The following SAMD5 variants were observed in gnomAD, a reference collection of about 807,000 sequenced individuals.
The protein encoded by SAMD5 is sterile alpha motif domain-containing protein 5.
Under a neutral mutation model 11.3 loss-of-function variants are expected in SAMD5, and 13 were observed. The ratio of observed to expected loss-of-function variants is 1.15; its 90% confidence interval spans 0.75 to 1.83. SAMD5 has a LOEUF of 1.83. Among genes scored for constraint, SAMD5 ranks in the 40% most tolerant of loss-of-function variants. The pLI, the probability that SAMD5 is intolerant of heterozygous loss-of-function variation, is 0.00. For missense variants in SAMD5, 255 were observed against 239.1 expected (o/e 1.07, Z -0.44); for synonymous variants, 129 against 111.3 (o/e 1.16, Z -1.00).
chr6:147,776,180 A>G, the SAMD5 span, among the ~76,000 whole-genome samples: 9 of 152,190 alleles, frequency 5.9e-5, no homozygotes, highest in Non-Finnish European at 1.3e-4. Flanking sequence ...TGTCTTGGTA[A>G]TGATCAGGAT....
At chr6:147,783,422 C>T in the SAMD5 span, among the ~76,000 whole-genome samples, 34 of 151,154 alleles carry the variant, frequency 2.2e-4, no homozygotes, top group Non-Finnish European at 4.4e-4. Context: ...GACATGAAGT[C>T]TCACTCTGTG....
intron 1 of SAMD5, among the ~76,000 whole-genome samples, chr6:147,647,133 C>A (rs1455739855): frequency 6.6e-6 from 1 of 151,824 alleles, no homozygotes; most frequent in Non-Finnish European, 1.5e-5. Flanking sequence ...TGCCATTGCA[C>A]CCCAGCCTGA....
the SAMD5 span, among the ~76,000 whole-genome samples, chr6:147,830,552 G>A: frequency 4.6e-5 from 7 of 152,026 alleles, no homozygotes; most frequent in East Asian, 7.7e-4. Flanking sequence ...CACCGCGCCC[G>A]GCCCCAGTAA....
intron 1 of SAMD5, among the ~76,000 whole-genome samples, chr6:147,514,590 G>A (rs1031389341): frequency 1.3e-5 from 2 of 152,000 alleles, no homozygotes; most frequent in Non-Finnish European, 2.9e-5. Context: ...GTCTAGCAGT[G>A]CTTATAGGGT....
At chr6:147,905,588 C>T in the SAMD5 span, among the ~76,000 whole-genome samples, 1 of 152,094 alleles carries the variant, frequency 6.6e-6, no homozygotes, top group South Asian at 2.1e-4. Flanking sequence ...TAATCACTGT[C>T]AATGTGTTGG....
intron 1 of SAMD5, among the ~76,000 whole-genome samples, chr6:147,607,536 G>A (rs567089565): frequency 1.3e-5 from 2 of 152,164 alleles, no homozygotes; most frequent in South Asian, 4.1e-4. Flanking sequence ...CACACCTACA[G>A]TGAACCCATT....
the SAMD5 span, among the ~76,000 whole-genome samples, chr6:147,934,481 C>T: frequency 6.6e-6 from 1 of 151,966 alleles, no homozygotes; most frequent in African/African-American, 2.4e-5. Flanking sequence ...TCAGGTGAGA[C>T]ACAATGAGAA....
chr6:147,757,884 T>G, the SAMD5 span, among the ~76,000 whole-genome samples: 4 of 152,204 alleles, frequency 2.6e-5, no homozygotes, highest in African/African-American at 9.6e-5. Flanking sequence ...TTTAACTTGT[T>G]TAACACTAAC....
At chr6:147,890,634 C>T in the SAMD5 span, among the ~76,000 whole-genome samples, 1 of 152,112 alleles carries the variant, frequency 6.6e-6, no homozygotes, top group Admixed American at 6.6e-5. Flanking sequence ...GCTGGGATTA[C>T]AGGCTTGAGC....
chr6:147,718,678 T>C (rs1434181462), intron 1 of SAMD5, among the ~76,000 whole-genome samples: 2 of 140,630 alleles, frequency 1.4e-5, no homozygotes, highest in African/African-American at 5.4e-5. Flanking sequence ...TTGTTGGAAG[T>C]GGCTCTTTCT....
chr6:147,611,230 C>G (rs1000566905), intron 1 of SAMD5, among the ~76,000 whole-genome samples: 4 of 152,042 alleles, frequency 2.6e-5, no homozygotes, highest in Non-Finnish European at 4.4e-5. Context: ...CATACAAACC[C>G]TTAGATGGAA....
chr6:147,880,293 T>G, the SAMD5 span, among the ~76,000 whole-genome samples: 1,006 of 152,256 alleles, frequency 6.6e-3, 6 homozygotes, highest in African/African-American at 0.023. Flanking sequence ...TCTGTCTCTC[T>G]GTCTCATTGT....
chr6:147,922,725 AG>A, the SAMD5 span, among the ~76,000 whole-genome samples: 19 of 152,186 alleles, frequency 1.2e-4, no homozygotes, highest in Non-Finnish European at 2.6e-4. Flanking sequence ...TATCTTTCCA[AG>A]GGGTGTAGTT....
chr6:147,587,067 T>G (rs1264588799), intron 1 of SAMD5, among the ~76,000 whole-genome samples: 4 of 152,058 alleles, frequency 2.6e-5, no homozygotes, highest in African/African-American at 9.7e-5. Flanking sequence ...AGTTTTGGGG[T>G]TTGAGTATTT....
chr6:147,695,174 A>G (rs1373522028), intron 1 of SAMD5, among the ~76,000 whole-genome samples: 2 of 152,240 alleles, frequency 1.3e-5, no homozygotes, highest in Non-Finnish European at 2.9e-5. Flanking sequence ...TAAAGATGTT[A>G]CATTTCTCTT....
chr6:147,737,291 C>A lies in SAMD5; in HGVS notation c.163-26C>A, dbSNP rs1186421200. The A allele has an allele frequency of 4.2e-6, 5 of 1,190,860 alleles. No individual in the cohort carries two copies. The Admixed American group carries it at 1.1e-4, about 26-fold the overall frequency. The allele number at this position is 1,190,860 out of a possible 1,614,324, so 73.8% of individuals were successfully genotyped here. ...TTTCACTGGGCAACACTTAATTAAA[C>A]TTCATTTCCTCTTTTTATGCTCCAG... On this transcript the variant is annotated intron_variant, in intron 1 of 1. Transcript: ENST00000566741.
At chr6:147,771,453 C>A in the SAMD5 span, among the ~76,000 whole-genome samples, 1 of 152,174 alleles carries the variant, frequency 6.6e-6, no homozygotes. Context: ...CCCTGGTAAT[C>A]ATAACTCATA....
chr6:147,660,299 T>C (rs1352949957), intron 1 of SAMD5, among the ~76,000 whole-genome samples: 1 of 152,204 alleles, frequency 6.6e-6, no homozygotes, highest in East Asian at 1.9e-4. Flanking sequence ...GTTGTCTGTA[T>C]GGTAATGGCT....
intron 1 of SAMD5, among the ~76,000 whole-genome samples, chr6:147,606,319 G>A (rs1012946338): frequency 1.3e-5 from 2 of 151,868 alleles, no homozygotes; most frequent in African/African-American, 4.8e-5. Flanking sequence ...TTGTTGGGTT[G>A]TTTTCTTGGA....
Sources: gnomAD v4.1 joint callset for allele counts (sites outside exome capture counted in the v4.1 genomes callset) on GRCh38, gnomAD v4.1.1 for gene constraint, MANE v1.5 for transcripts, NCBI Gene and HGNC (gene_info 2026-07-23, HGNC 2026-07-21) for gene names.